MTUS2: variants seen among roughly 807,000 people sequenced by gnomAD.
MTUS2 encodes microtubule-associated tumor suppressor candidate 2.
In MTUS2, 40 loss-of-function variants were observed where a neutral mutation model predicts 114.1. The ratio of observed to expected loss-of-function variants is 0.35; its 90% CI spans 0.27 to 0.46. The LOEUF (loss-of-function observed/expected upper bound fraction) is 0.46. Ranked by LOEUF, MTUS2 falls within the 20% of genes least tolerant of loss-of-function variation. MTUS2 has a pLI of 1.00. For synonymous variants in MTUS2, 688 were observed against 672.0 expected (o/e 1.02, Z -0.37); for missense variants, 1,679 against 1,705.4 (o/e 0.98, Z 0.27).
intron 8 of MTUS2, among the ~76,000 whole-genome samples, chr13:29,434,731 A>T (rs185793419): frequency 6.6e-6 from 1 of 152,254 alleles, no homozygotes; most frequent in African/African-American, 2.4e-5. Context: ...AGCATCAACC[A>T]TCAGAAGAGA....
intron 5 of MTUS2, among the ~76,000 whole-genome samples, chr13:29,138,721 A>C (rs1000287146): frequency 6.3e-5 from 7 of 110,628 alleles, no homozygotes; most frequent in African/African-American, 2.0e-4. Context: ...ATTTATGATA[A>C]ATAAATTTTT....
intron 4 of MTUS2, among the ~76,000 whole-genome samples, chr13:29,043,337 T>G (rs911583144): frequency 2.6e-5 from 4 of 152,152 alleles, no homozygotes; most frequent in Non-Finnish European, 5.9e-5. Context: ...TTATCGAGAC[T>G]TCTTTTGTGG....
chr13:28,899,980 A>T (rs1285017327), intron 2 of MTUS2, among the ~76,000 whole-genome samples: 6 of 151,702 alleles, frequency 4.0e-5, no homozygotes, highest in Admixed American at 2.6e-4. Context: ...CTCTGCCTCC[A>T]GGGTACAATC....
intron 5 of MTUS2, among the ~76,000 whole-genome samples, chr13:29,130,063 G>A (rs1186590433): frequency 1.3e-5 from 2 of 152,082 alleles, no homozygotes; most frequent in Admixed American, 6.5e-5. Flanking sequence ...GCAAGGTTAG[G>A]GTTTGTCTTG....
intron 8 of MTUS2, among the ~76,000 whole-genome samples, chr13:29,381,095 T>G (rs2138363226): frequency 6.6e-6 from 1 of 152,274 alleles, no homozygotes; most frequent in South Asian, 2.1e-4. Context: ...AAATGAGACT[T>G]GAAGCTGCCT....
intron 7 of MTUS2, among the ~76,000 whole-genome samples, chr13:29,347,168 C>T (rs1455168052): frequency 6.6e-6 from 1 of 152,156 alleles, no homozygotes; most frequent in African/African-American, 2.4e-5. Flanking sequence ...CAAGTTAGTC[C>T]TGCCTCCTGT....
At chr13:28,953,084 C>T (rs1340033979) in intron 2 of MTUS2, among the ~76,000 whole-genome samples, 3 of 152,008 alleles carry the variant, frequency 2.0e-5, no homozygotes, top group Admixed American at 6.6e-5. Context: ...ATGATTTTTG[C>T]ATCTGGATGG....
intron 7 of MTUS2, among the ~76,000 whole-genome samples, chr13:29,325,455 C>CAAAA (rs761433335): frequency 8.4e-4 from 44 of 52,330 alleles, no homozygotes; most frequent in African/African-American, 2.7e-3. Flanking sequence ...GACTTCATCT[C>CAAAA]AAAAAAAAAA....
chr13:28,989,186 G>A (rs1480898272), intron 2 of MTUS2, among the ~76,000 whole-genome samples: 1 of 152,128 alleles, frequency 6.6e-6, no homozygotes, highest in East Asian at 1.9e-4. Context: ...GGAGTGCTGG[G>A]AGCTGAGAAT....
intron 2 of MTUS2, among the ~76,000 whole-genome samples, chr13:28,973,063 AGCTT>A (rs1300495032): frequency 6.6e-6 from 1 of 152,230 alleles, no homozygotes; most frequent in Non-Finnish European, 1.5e-5. Context: ...CTCTGTATGT[AGCTT>A]GCTTTTTTAG....
At chr13:28,832,694 TATAA>T (rs1345693239) in intron 1 of MTUS2, among the ~76,000 whole-genome samples, 2 of 147,848 alleles carry the variant, frequency 1.4e-5, no homozygotes, top group Admixed American at 6.8e-5. Flanking sequence ...TTTATATAAA[TATAA>T]ATAAAAATAA....
At chr13:29,437,964 G>GT (rs1877539299) in intron 8 of MTUS2, among the ~76,000 whole-genome samples, 1 of 137,686 alleles carries the variant, frequency 7.3e-6, no homozygotes, top group South Asian at 2.3e-4. Flanking sequence ...AAAAAAAAAA[G>GT]TATAAGACTG....
intron 3 of MTUS2, among the ~76,000 whole-genome samples, chr13:29,031,269 T>TGTGTGTGTGTGTGTGTGG (rs1223710633): frequency 6.2e-5 from 8 of 128,100 alleles, no homozygotes; most frequent in African/African-American, 8.7e-5. Flanking sequence ...TGTGTGTGTG[T>TGTGTGTGTGTGTGTGTGG]GGTGTGTGTT....
intron 5 of MTUS2, among the ~76,000 whole-genome samples, chr13:29,119,158 T>C (rs938323773): frequency 1.1e-4 from 17 of 152,208 alleles, no homozygotes; most frequent in African/African-American, 4.1e-4. Context: ...TGCATTTTTC[T>C]CATTTAAGGA....
intron 4 of MTUS2, among the ~76,000 whole-genome samples, chr13:29,056,293 T>C (rs193139138): frequency 8.5e-5 from 13 of 152,258 alleles, no homozygotes; most frequent in Non-Finnish European, 1.8e-4. Flanking sequence ...TTCCATCTTC[T>C]GCATATGATT....
At chr13:29,181,753 G>C (rs1175784662) in intron 5 of MTUS2, among the ~76,000 whole-genome samples, 4 of 151,250 alleles carry the variant, frequency 2.6e-5, no homozygotes, top group Admixed American at 2.6e-4. Context: ...GTTATATGTA[G>C]AGCTTTTTCA....
At chr13:29,231,382 C>G (rs541152665) in intron 5 of MTUS2, among the ~76,000 whole-genome samples, 2 of 152,252 alleles carry the variant, frequency 1.3e-5, no homozygotes, top group African/African-American at 4.8e-5. Context: ...CCATGTCCAC[C>G]ATTTCTTCGG....
chr13:29,357,755 A>G (rs145281883), intron 7 of MTUS2, among the ~76,000 whole-genome samples: 2 of 152,374 alleles, frequency 1.3e-5, no homozygotes, highest in African/African-American at 4.8e-5. Flanking sequence ...CAGTGATTTC[A>G]CATTCTCCTA....
rs190755010 is a variant in MTUS2 at position 29,017,492 on chromosome 13, A to G, written c.-242-6965A>G. Among the ~76,000 whole-genome samples the G allele has an allele frequency of 4.5e-3, 681 of 152,290 alleles. 2 individuals carry two copies. The highest frequency in any genetic ancestry group is 7.2e-3 in the Non-Finnish European group (491 of 68,028). On this transcript the variant is annotated intron_variant, in intron 2 of 15. Coordinates refer to ENST00000612955, the MANE Select transcript of MTUS2 (RefSeq NM_001033602.4). The stretch of plus-strand genomic sequence containing the variant: ...CGTACTTCTCAATCTTTCGAAACCC[A>G]TGCCTCCTTTTAATAACTTAAACAT...
Sources: gnomAD v4.1 joint callset for allele counts (sites outside exome capture counted in the v4.1 genomes callset) on GRCh38, gnomAD v4.1.1 for gene constraint, MANE v1.5 for transcripts, NCBI Gene and HGNC (gene_info 2026-07-23, HGNC 2026-07-21) for gene names.